Variants in KANSL1 observed in about 807,000 individuals in gnomAD.
KANSL1 encodes MLL1/MLL complex subunit KANSL1.
A neutral mutation model predicts 103.6 loss-of-function variants in KANSL1; 22 were observed. That is an observed-to-expected ratio of 0.21 (90% CI 0.15 to 0.30). The LOEUF is 0.30. Among genes scored for constraint, KANSL1 ranks in the 10% least tolerant of loss-of-function variants. KANSL1 has a pLI of 1.00. For missense variants in KANSL1, 1,337 were observed against 1,399.8 expected (o/e 0.96, Z 0.72); for synonymous variants, 600 against 527.6 (o/e 1.14, Z -1.88).
chr17:46,120,822 A>T (rs1223023566), intron 2 of KANSL1, among the ~76,000 whole-genome samples: 1 of 152,222 alleles, frequency 6.6e-6, no homozygotes, highest in Non-Finnish European at 1.5e-5. Flanking sequence ...ACATGTACTT[A>T]CCACGAAATT....
intron 1 of KANSL1, among the ~76,000 whole-genome samples, chr17:46,205,913 AC>A (rs1220036230): frequency 1.3e-5 from 2 of 152,102 alleles, no homozygotes. Flanking sequence ...ACTCATCTCT[AC>A]AAAAATACAA....
At chr17:46,102,312 C>G (rs1241575613) in intron 2 of KANSL1, among the ~76,000 whole-genome samples, 1 of 152,078 alleles carries the variant, frequency 6.6e-6, no homozygotes, top group Admixed American at 6.5e-5. Flanking sequence ...TGCAGAGGCA[C>G]GATCTCAGCT....
chr17:46,067,889 C>G (rs944848037), intron 4 of KANSL1, among the ~76,000 whole-genome samples: 1 of 152,084 alleles, frequency 6.6e-6, no homozygotes, highest in Non-Finnish European at 1.5e-5. Context: ...GCAGGAGGAT[C>G]GCTTGAGACC....
At chr17:46,146,083 G>C (rs2044684804) in intron 2 of KANSL1, among the ~76,000 whole-genome samples, 1 of 152,164 alleles carries the variant, frequency 6.6e-6, no homozygotes, top group African/African-American at 2.4e-5. Context: ...TACTCTAGCA[G>C]CTAAAGACAT....
chr17:46,133,600 T>C (rs1344419331), intron 2 of KANSL1, among the ~76,000 whole-genome samples: 10 of 152,254 alleles, frequency 6.6e-5, no homozygotes, highest in Admixed American at 1.3e-4. Flanking sequence ...TGCTTTTGTA[T>C]AGTTTTCAGC....
chr17:46,143,328 T>C (rs1160037726), intron 2 of KANSL1, among the ~76,000 whole-genome samples: 1 of 152,038 alleles, frequency 6.6e-6, no homozygotes, highest in African/African-American at 2.4e-5. Flanking sequence ...ACCCCGTCTC[T>C]ACTAAATACA....
intron 10 of KANSL1, among the ~76,000 whole-genome samples, chr17:46,036,766 C>A (rs913111324): frequency 6.6e-6 from 1 of 151,576 alleles, no homozygotes; most frequent in African/African-American, 2.4e-5. Flanking sequence ...GACGCCCAGG[C>A]TTGAGTGCAA....
intron 1 of KANSL1, among the ~76,000 whole-genome samples, chr17:46,212,827 T>C (rs1007207313): frequency 4.6e-5 from 7 of 152,248 alleles, no homozygotes. Flanking sequence ...TTTCAGAGAT[T>C]GTCCCCTCAC....
At chr17:46,169,843 T>C (rs1340426456) in intron 2 of KANSL1, among the ~76,000 whole-genome samples, 3 of 152,076 alleles carry the variant, frequency 2.0e-5, no homozygotes, top group African/African-American at 7.2e-5. Context: ...GTGCCACCCA[T>C]AAAAAGCTTA....
At chr17:46,122,703 G>A (rs953276774) in intron 2 of KANSL1, among the ~76,000 whole-genome samples, 54 of 152,274 alleles carry the variant, frequency 3.5e-4, no homozygotes, top group African/African-American at 1.3e-3. Context: ...CTCACTTCAT[G>A]TCCATGTGAC....
intron 8 of KANSL1, 193 bp downstream of exon 8, chr17:46,039,509 G>C (rs2077250335): frequency 1.2e-5 from 8 of 650,536 alleles, no homozygotes; most frequent in Non-Finnish European, 1.8e-5. Flanking sequence ...CAAGATCCAT[G>C]GTGTCTAGAA....
intron 6 of KANSL1, among the ~76,000 whole-genome samples, chr17:46,058,421 G>A (rs574633502): frequency 1.3e-5 from 2 of 152,218 alleles, no homozygotes; most frequent in East Asian, 3.9e-4. Context: ...CAAATGACAA[G>A]GAATTTACCT....
intron 1 of KANSL1, among the ~76,000 whole-genome samples, chr17:46,183,557 A>AGAGGG (rs2046885170): frequency 1.3e-5 from 2 of 150,122 alleles, no homozygotes; most frequent in Middle Eastern, 6.9e-3. Context: ...GGAAAAGAGG[A>AGAGGG]GAGGGGAGGA....
intron 11 of KANSL1, 65 bp from the exon 12 acceptor site, chr17:46,033,525 G>A (rs1228526635): frequency 7.5e-7 from 1 of 1,330,102 alleles, no homozygotes; most frequent in Admixed American, 1.7e-5. Context: ...CAGGGTCAAA[G>A]TGTCCATGCA....
At position 46,171,602 on chromosome 17, in the gene KANSL1, C is replaced by G. The variant is rs771481251; in HGVS notation, c.542G>C (p.Arg181Pro). ...DNSTSLNGGK[R>P]ALTSSALHGG... Reference sequence around the variant, plus strand: ...ATGAAGAGCAGATGAAGTGAGAGCCCGTTTTCCCCCATTGAGGGAAGTGGA... The same window carrying G: ...ATGAAGAGCAGATGAAGTGAGAGCCGGTTTTCCCCCATTGAGGGAAGTGGA... Residue 181 changes from arginine to proline, a missense_variant, in exon 2 of 15, where the codon CGG (arginine) becomes CCG (proline). By Grantham distance (103) the Arg-to-Pro change is moderately radical. This residue lies in a region of KANSL1 where 557 missense variants were observed against 476.4 expected (regional missense o/e 1.17). Coordinates refer to ENST00000432791, the MANE Select transcript of KANSL1 (RefSeq NM_015443.4). 1 of 1,583,408 alleles carries G rather than the reference C, an allele frequency of 6.3e-7. No homozygotes were observed. The highest frequency in any genetic ancestry group is 1.1e-5 in the South Asian group (1 of 87,502).
chr17:46,092,012 G>T (rs1375828216), intron 3 of KANSL1, among the ~76,000 whole-genome samples: 1 of 152,124 alleles, frequency 6.6e-6, no homozygotes, highest in Non-Finnish European at 1.5e-5. Context: ...AGAGACAGGG[G>T]TTTCACCATG....
chr17:46,096,400 A>C (rs969254069), intron 2 of KANSL1, among the ~76,000 whole-genome samples: 3 of 141,970 alleles, frequency 2.1e-5, no homozygotes, highest in African/African-American at 8.2e-5. Context: ...GCTCACCACC[A>C]ACCTTCGCCT....
rs2046693935 is a variant in KANSL1, at chr17:46,179,776, T to C, written c.-89-7544A>G. Among the ~76,000 whole-genome samples the C allele has an allele frequency of 2.6e-5, 4 of 152,190 alleles. No homozygotes were observed. The South Asian group carries it at 8.3e-4, about 32-fold the overall frequency. On this transcript the variant is annotated intron_variant, in intron 1 of 14. Transcript: ENST00000432791. ...GCGACATTCTGAAGGTTAAAAGAAA[T>C]GAACAATTTGGGCCGGGCGCAGTGA...
At chr17:46,200,197 T>C (rs2147976249) in intron 1 of KANSL1, among the ~76,000 whole-genome samples, 1 of 152,348 alleles carries the variant, frequency 6.6e-6, no homozygotes, top group South Asian at 2.1e-4. Flanking sequence ...TATACTGATT[T>C]TGCAGATTAA....
Sources: gnomAD v4.1 joint callset for allele counts (sites outside exome capture counted in the v4.1 genomes callset) on GRCh38, gnomAD v4.1.1 for gene constraint, gnomAD v4.1.1 regional missense constraint, MANE v1.5 for transcripts, NCBI Gene and HGNC (gene_info 2026-07-23, HGNC 2026-07-21) for gene names.